The following SMTN variants were observed in gnomAD, a reference collection of about 807,000 sequenced individuals.
The protein encoded by SMTN is smoothelin.
In SMTN, 58 loss-of-function variants were observed where a neutral mutation model predicts 102.0. The ratio of observed to expected loss-of-function variants is 0.57; its 90% CI spans 0.46 to 0.71. The LOEUF is 0.71. Among genes scored for constraint, SMTN ranks in the 30% least tolerant of loss-of-function variants. The pLI is 0.00. For synonymous variants in SMTN, 478 were observed against 497.9 expected, an observed-to-expected ratio of 0.96 and a Z score of 0.53; for missense variants, 1,185 against 1,241.7, an observed-to-expected ratio of 0.95 and a Z score of 0.69.
intron 1 of SMTN, chr22:31,066,997 C>G (rs1001939156): frequency 3.9e-5 from 6 of 152,072 alleles, no homozygotes; most frequent in African/African-American, 1.4e-4. Flanking sequence ...CTCAAGCAAT[C>G]CACCCACCTC....
intron 11 of SMTN, chr22:31,093,789 C>T (rs573795680): frequency 6.3e-6 from 10 of 1,593,766 alleles, no homozygotes; most frequent in African/African-American, 5.3e-5. Flanking sequence ...TTCAGGCTGC[C>T]GAGGATGCCG....
Position 31,100,937 on chromosome 22 carries a change from C to T in SMTN, c.2656C>T (p.Arg886Ter). The change falls in exon 20 of 21, where the codon CGA becomes TGA. Residue 886 changes from arginine to a stop codon, truncating the protein, a stop_gained. Transcript: ENST00000333137. LOFTEE classifies it high-confidence loss of function. Reference sequence around the variant, plus strand: ...GGATACAGAGGACATGGTGCGGCTTCGAGAGCCTGACTGGAAGTGCGTGTA... The same window carrying T: ...GGATACAGAGGACATGGTGCGGCTTTGAGAGCCTGACTGGAAGTGCGTGTA... ...LLDTEDMVRL[R>*]EPDWKCVYTY... The T allele has an allele frequency of 1.9e-6, 3 of 1,605,446 alleles. No homozygotes were observed. Among genetic ancestry groups the T allele is most frequent in the African/African-American group, 1.3e-5 (1 of 74,578 alleles).
In SMTN at chr22:31,081,940, A is replaced by G. The variant is rs2042336127; in HGVS notation, c.-81+484A>G. ...AGACAGAGTAACTAGGTAAGAGGCAAGGATCCTAACAGGCAGAGATTGGGA... is the reference window on the plus strand; with the variant it reads ...AGACAGAGTAACTAGGTAAGAGGCAGGGATCCTAACAGGCAGAGATTGGGA... On this transcript the variant is annotated intron_variant, in intron 1 of 20. Coordinates refer to ENST00000333137, the MANE Select transcript of SMTN (RefSeq NM_134269.3). 2.0e-5 allele frequency among the ~76,000 whole-genome samples: 3 copies of G among 152,322 alleles called. 1 individual carries two copies. In the South Asian group the frequency reaches 6.2e-4, roughly 32 times the overall value.
Position 31,081,360 on chromosome 22 carries a change from G to A in SMTN, c.-177G>A, listed in dbSNP as rs2042294247. On this transcript the variant is annotated 5_prime_UTR_variant, in exon 1 of 21. Transcript: ENST00000333137. ...GTTGCTGAGCGGGCCTGGGACAGCG[G>A]GTCGCGGCACCTCCGGCCTGCGCGT... The A allele has an allele frequency of 6.6e-6, 1 of 152,268 alleles. No homozygotes were observed. The highest frequency in any genetic ancestry group is 1.5e-5 in the Non-Finnish European group (1 of 68,086). 9.4% of individuals were successfully genotyped at this position (152,268 alleles called of 1,614,324 possible).
intron 1 of SMTN, chr22:31,068,461 A>G (rs1602571153): frequency 6.6e-6 from 1 of 151,976 alleles, no homozygotes; most frequent in East Asian, 1.9e-4. Flanking sequence ...CTCCTTTCTG[A>G]GCTTCATTCC....
chr22:31,102,007 G>T (rs1372895832), intron 20 of SMTN: 2 of 152,148 alleles, frequency 1.3e-5, no homozygotes, highest in Non-Finnish European at 2.9e-5. Context: ...AGGTCAAGAA[G>T]TCTGCCAGGC....
chr22:31,093,163 G>A (rs939149768), intron 11 of SMTN, among the ~76,000 whole-genome samples: 2 of 152,226 alleles, frequency 1.3e-5, no homozygotes, highest in East Asian at 1.9e-4. Flanking sequence ...GTCTTACTGT[G>A]CTGCAGGCCT....
chr22:31,088,002 T>A lies in SMTN; in HGVS notation c.89T>A (p.Ile30Asn). 6.2e-7 allele frequency: 1 copy of A among 1,608,920 alleles called. No homozygotes were observed. The highest frequency in any genetic ancestry group is 8.5e-7 in the Non-Finnish European group (1 of 1,176,476). The change falls in exon 3 of 21, where the codon ATC (isoleucine) becomes AAC (asparagine). Residue 30 changes from isoleucine to asparagine, a missense_variant. Transcript: ENST00000333137. ...VTADLAERRRIRSAIRELQRQ... is the reference protein window; with the variant it reads ...VTADLAERRRNRSAIRELQRQ... The stretch of plus-strand genomic sequence containing the variant: ...GCAGATCTGGCAGAGCGGCGGCGCA[T>A]CCGCTCAGCCATCCGGGAACTGCAG...
Position 31,091,295 on chromosome 22 carries a change from G to A in SMTN, c.1272G>A (p.Arg424=), listed in dbSNP as rs970719377. 12 of 1,600,828 alleles carry A rather than the reference G, an allele frequency of 7.5e-6. No individual in the cohort carries two copies. The highest frequency in any genetic ancestry group is 2.2e-5 in the East Asian group (1 of 44,548). The part of the protein sequence containing the change: ...EGPRGRGLAA[R]PLENRAGGPV... The stretch of plus-strand genomic sequence containing the variant: ...CCAGGGGGCGGGGCTTGGCTGCTAG[G>A]CCCCTTGAAAACAGAGCAGGGGGGC... Residue 424 remains arginine, a synonymous_variant, in exon 10 of 21, where the codon AGG becomes AGA. Coordinates refer to ENST00000333137, the MANE Select transcript of SMTN (RefSeq NM_134269.3).
chr22:31,097,753 A>AAAT, intron 16 of SMTN, among the ~76,000 whole-genome samples: 1 of 132,694 alleles, frequency 7.5e-6, no homozygotes, highest in Non-Finnish European at 1.6e-5. Context: ...AATAAATAAA[A>AAAT]CAGAGGGGTA....
At chr22:31,085,128 G>A (rs1404796096) in intron 2 of SMTN, 1 of 1,535,252 alleles carries the variant, frequency 6.5e-7, no homozygotes, top group Non-Finnish European at 8.7e-7. Context: ...TCCACCACCC[G>A]CCGGGACGCC....
chr22:31,074,162 C>T lies in SMTN; in HGVS notation c.-385-6288C>T, dbSNP rs544344565. On this transcript the variant is annotated intron_variant, in intron 1 of 3. Transcript: ENST00000422839. ...CAGCACTTTGGGAGGCTGAGGTGGA[C>T]GGATTACTTGAAACCAGGAGTTTGA... Among the ~76,000 whole-genome samples the T allele has an allele frequency of 1.5e-4, 23 of 151,786 alleles. 1 individual carries two copies. The highest frequency in any genetic ancestry group is 3.4e-4 in the African/African-American group (14 of 41,370).
intron 11 of SMTN, chr22:31,092,652 C>T: frequency 2.3e-6 from 1 of 432,436 alleles, no homozygotes; most frequent in East Asian, 7.3e-5. Context: ...AGCACCCTTC[C>T]TTTCCAAAAA....
intron 1 of SMTN, among the ~76,000 whole-genome samples, chr22:31,073,552 T>TG (rs2042058681): frequency 6.6e-6 from 1 of 152,136 alleles, no homozygotes. Context: ...GAGGCAGGAT[T>TG]CGGGGGCAAG....
intron 3 of SMTN, 46 bp from the exon 4 acceptor site, chr22:31,088,467 C>T (rs761524321): frequency 1.4e-5 from 21 of 1,551,804 alleles, no homozygotes; most frequent in African/African-American, 2.7e-5. Context: ...ACATCCTCCA[C>T]GACCTGGCCA....
In SMTN at chr22:31,091,494, C is replaced by A. The variant is rs753930784; in HGVS notation, c.1459+12C>A. Reference sequence around the variant, plus strand: ...CAACCAGAGGGCAGGTAGGCGCCCCCCACTGCCTCCCCAATGGGGATGAGT... The same window carrying A: ...CAACCAGAGGGCAGGTAGGCGCCCCACACTGCCTCCCCAATGGGGATGAGT... On this transcript the variant is annotated intron_variant, in intron 10 of 20. Transcript: ENST00000333137. 2 of 1,518,162 alleles carry A rather than the reference C, an allele frequency of 1.3e-6. No homozygotes were observed. The highest frequency in any genetic ancestry group is 1.3e-5 in the South Asian group (1 of 75,730). 94.0% of individuals were successfully genotyped at this position (1,518,162 alleles called of 1,614,324 possible).
chr22:31,077,788 G>C (rs1271917956), upstream of SMTN, among the ~76,000 whole-genome samples: 1 of 152,226 alleles, frequency 6.6e-6, no homozygotes, highest in African/African-American at 2.4e-5. Flanking sequence ...AGTTTGCCTG[G>C]CACTGTTGCC....
At chr22:31,099,457 G>T (rs8135353) in intron 18 of SMTN, 196,922 of 586,086 alleles carry the variant, frequency 0.34, 36,345 homozygotes, top group Middle Eastern at 0.45. Flanking sequence ...TTGCTCTGTA[G>T]GAGGCCCTGA....
chr22:31,094,148 A>G (rs569045020), intron 11 of SMTN, among the ~76,000 whole-genome samples: 1 of 152,192 alleles, frequency 6.6e-6, no homozygotes, highest in Non-Finnish European at 1.5e-5. Flanking sequence ...TCCCTGAAAC[A>G]GCTGCCACCT....
Sources: gnomAD v4.1 joint callset for allele counts (sites outside exome capture counted in the v4.1 genomes callset) on GRCh38, gnomAD v4.1.1 for gene constraint, MANE v1.5 for transcripts, NCBI Gene and HGNC (gene_info 2026-07-23, HGNC 2026-07-21) for gene names.